DCAF8L2: variants seen among roughly 807,000 people sequenced by gnomAD.
DCAF8L2 encodes the protein DDB1- and CUL4-associated factor 8-like protein 2.
For synonymous variants in DCAF8L2, 200 were observed against 190.9 expected (o/e 1.05, Z -0.39); for missense variants, 430 against 490.7 (o/e 0.88, Z 1.17).
At chrX:27,537,948 A>G in the DCAF8L2 span, among the ~76,000 whole-genome samples, 5 of 111,941 alleles carry the variant, frequency 4.5e-5, no homozygotes, top group African/African-American at 1.3e-4. Context: ...ATTTCACCAT[A>G]TGATCCTTTG....
intron 2 of DCAF8L2, among the ~76,000 whole-genome samples, chrX:27,675,468 C>T (rs778635676): frequency 1.8e-5 from 2 of 112,329 alleles, no homozygotes; most frequent in African/African-American, 6.4e-5. Flanking sequence ...TAATGTATTT[C>T]TAAACCAGAC....
the DCAF8L2 span, among the ~76,000 whole-genome samples, chrX:27,582,505 G>A: frequency 1.4e-4 from 16 of 110,824 alleles, no homozygotes; most frequent in Non-Finnish European, 2.5e-4. Context: ...TTCTTTTATA[G>A]CTGGCCCTCA....
At chrX:27,494,866 A>T in the DCAF8L2 span, among the ~76,000 whole-genome samples, 23,205 of 110,650 alleles carry the variant, frequency 0.21, 2,270 homozygotes, top group East Asian at 0.37. Context: ...GTTTTATTTA[A>T]ATTAATTTTA....
At chrX:27,485,248 A>G in the DCAF8L2 span, among the ~76,000 whole-genome samples, 3 of 112,006 alleles carry the variant, frequency 2.7e-5, no homozygotes, top group Non-Finnish European at 5.6e-5. Context: ...CTAATATTTG[A>G]GTGCATTCAA....
chrX:27,576,724 A>C, the DCAF8L2 span, among the ~76,000 whole-genome samples: 1 of 112,373 alleles, frequency 8.9e-6, no homozygotes, highest in African/African-American at 3.2e-5. Flanking sequence ...GAGTTATAAA[A>C]AGTAATTTCT....
intron 4 of DCAF8L2, among the ~76,000 whole-genome samples, chrX:27,720,888 G>C: frequency 9.0e-6 from 1 of 111,268 alleles, no homozygotes; most frequent in East Asian, 2.8e-4. Context: ...TTTATTAAAT[G>C]CATTTATAAA....
the DCAF8L2 span, chrX:27,518,163 A>G: frequency 2.9e-5 from 26 of 912,229 alleles, no homozygotes; most frequent in African/African-American, 4.1e-4. Flanking sequence ...AGGATGAAAT[A>G]TATTGCCCGC....
the DCAF8L2 span, chrX:27,519,152 C>A: frequency 4.4e-6 from 5 of 1,147,156 alleles, no homozygotes; most frequent in Non-Finnish European, 5.9e-6. Context: ...AGAGAAATAG[C>A]AGAAAAGGAA....
the DCAF8L2 span, among the ~76,000 whole-genome samples, chrX:27,558,285 G>A: frequency 7.2e-5 from 8 of 111,870 alleles, no homozygotes; most frequent in African/African-American, 2.6e-4. Flanking sequence ...CAGGATCAGG[G>A]TCAGGTTCTC....
chrX:27,647,322 A>G (rs1175767679), intron 2 of DCAF8L2, among the ~76,000 whole-genome samples: 1 of 112,057 alleles, frequency 8.9e-6, no homozygotes, highest in Admixed American at 9.5e-5. Context: ...AAAACCAAAC[A>G]TCGCATGTTC....
chrX:27,540,932 A>G, the DCAF8L2 span, among the ~76,000 whole-genome samples: 2 of 112,164 alleles, frequency 1.8e-5, no homozygotes, highest in African/African-American at 6.5e-5. Flanking sequence ...ATGTAAGACA[A>G]TAAAGAATAT....
At chrX:27,470,990 G>C in the DCAF8L2 span, among the ~76,000 whole-genome samples, 1 of 111,355 alleles carries the variant, frequency 9.0e-6, no homozygotes, top group African/African-American at 3.3e-5. Flanking sequence ...CCCATTCGAT[G>C]TCATTAACAC....
At chrX:27,517,851 T>C in the DCAF8L2 span, 113 of 1,076,846 alleles carry the variant, frequency 1.0e-4, 1 homozygote, top group South Asian at 1.9e-3. Flanking sequence ...CGGCCTGCTT[T>C]AACATTCTCA....
chrX:27,515,036 T>A, the DCAF8L2 span, among the ~76,000 whole-genome samples: 2 of 111,824 alleles, frequency 1.8e-5, no homozygotes, highest in Non-Finnish European at 3.8e-5. Context: ...ACTTTGAATG[T>A]TGCCACCACA....
At chrX:27,684,545 A>G (rs1373226431) in intron 3 of DCAF8L2, among the ~76,000 whole-genome samples, 11 of 111,806 alleles carry the variant, frequency 9.8e-5, no homozygotes, top group South Asian at 3.7e-4. Flanking sequence ...GACTGATAGC[A>G]TATACAACTT....
chrX:27,741,139 A>G lies in DCAF8L2; in HGVS notation c.-58-5699A>G, dbSNP rs905098992. ...TAGTCCAAATTTGCCTAATAAGCAA[A>G]TATGAAAAGCAGATTGATAAAATAG... On this transcript the variant is annotated intron_variant, in intron 4 of 4. Coordinates refer to ENST00000451261, the MANE Select transcript of DCAF8L2 (RefSeq NM_001353450.2). Among the ~76,000 whole-genome samples, 4 of 112,332 alleles carry G rather than the reference A, an allele frequency of 3.6e-5. No homozygotes were observed. In the Admixed American group the frequency reaches 3.8e-4, roughly 11 times the overall value.
chrX:27,588,568 A>C (rs1489634141), upstream of DCAF8L2, among the ~76,000 whole-genome samples: 2 of 111,660 alleles, frequency 1.8e-5, no homozygotes, highest in East Asian at 2.8e-4. Context: ...ACTGTTTTCC[A>C]CAGTGGCTGA....
the DCAF8L2 span, among the ~76,000 whole-genome samples, chrX:27,547,723 T>C: frequency 1.8e-5 from 2 of 111,033 alleles, no homozygotes; most frequent in African/African-American, 6.6e-5. Flanking sequence ...TCTCTTGACA[T>C]GTGGGGATTA....
the DCAF8L2 span, among the ~76,000 whole-genome samples, chrX:27,533,220 A>G: frequency 1.4e-4 from 7 of 48,493 alleles, no homozygotes; most frequent in African/African-American, 3.8e-4. Context: ...GAAAGAAAGA[A>G]AGAAAGAAAG....
Sources: gnomAD v4.1 joint callset for allele counts (sites outside exome capture counted in the v4.1 genomes callset) on GRCh38, gnomAD v4.1.1 for gene constraint, MANE v1.5 for transcripts, NCBI Gene and HGNC (gene_info 2026-07-23, HGNC 2026-07-21) for gene names.